Variants in SLC27A2 observed in about 807,000 individuals in gnomAD.
SLC27A2 encodes the protein long-chain fatty acid transport protein 2.
SLC27A2 carries 54 observed loss-of-function variants against 60.0 expected under a neutral mutation model. That is an observed-to-expected ratio of 0.90 (90% CI 0.72 to 1.13). The LOEUF is 1.13. Among genes scored for constraint, SLC27A2 ranks in the 50% most tolerant of loss-of-function variants. The probability of loss-of-function intolerance (pLI) is 0.00; values close to 1 mark genes in which losing one functional copy is unlikely to be tolerated. For missense variants in SLC27A2, 739 were observed against 777.6 expected (o/e 0.95, Z 0.59); for synonymous variants, 297 against 297.6 (o/e 1.00, Z 0.02).
intron 3 of SLC27A2, among the ~76,000 whole-genome samples, chr15:50,203,312 T>C (rs899159644): frequency 1.3e-5 from 2 of 152,232 alleles, no homozygotes; most frequent in Admixed American, 1.3e-4. Context: ...TGCACTCTTC[T>C]GTAATCTCCC....
chr15:50,213,038 C>A (rs1467152354), intron 4 of SLC27A2, among the ~76,000 whole-genome samples: 2 of 152,128 alleles, frequency 1.3e-5, no homozygotes, highest in Non-Finnish European at 2.9e-5. Context: ...ACTCACCAAC[C>A]AACTGCTGCC....
chr15:50,229,081 A>G (rs200275435), intron 8 of SLC27A2, 39 bp downstream of exon 8: 1 of 1,411,202 alleles, frequency 7.1e-7, no homozygotes, highest in East Asian at 2.3e-5. Flanking sequence ...CCCATAGAGT[A>G]ACTGAACATA....
chr15:50,216,186 T>C (rs2045194163), intron 4 of SLC27A2, among the ~76,000 whole-genome samples: 1 of 152,064 alleles, frequency 6.6e-6, no homozygotes, highest in Admixed American at 6.5e-5. Context: ...GATATACAAA[T>C]GGCCAATAAA....
intron 4 of SLC27A2, among the ~76,000 whole-genome samples, chr15:50,220,299 G>C (rs1389042428): frequency 6.6e-6 from 1 of 152,194 alleles, no homozygotes; most frequent in Non-Finnish European, 1.5e-5. Context: ...ATTGAACAGG[G>C]AGTGAGGTTT....
At chr15:50,194,572 A>G (rs1481515064) in intron 1 of SLC27A2, among the ~76,000 whole-genome samples, 1 of 152,164 alleles carries the variant, frequency 6.6e-6, no homozygotes, top group Admixed American at 6.5e-5. Flanking sequence ...CAGGGTGGCA[A>G]CAAGAAATTG....
intron 7 of SLC27A2, among the ~76,000 whole-genome samples, chr15:50,228,376 C>CAAAAA (rs71124333): frequency 1.4e-4 from 11 of 77,252 alleles, no homozygotes; most frequent in Admixed American, 1.9e-4. Context: ...GACTCTGCCT[C>CAAAAA]AAAAAAAAAA....
At chr15:50,235,062 A>C (rs1188190630) in intron 9 of SLC27A2, among the ~76,000 whole-genome samples, 1 of 152,166 alleles carries the variant, frequency 6.6e-6, no homozygotes, top group Non-Finnish European at 1.5e-5. Flanking sequence ...TCTTCCTCCA[A>C]CATTAACCCT....
intron 1 of SLC27A2, among the ~76,000 whole-genome samples, chr15:50,189,200 A>C (rs1474254920): frequency 1.3e-4 from 20 of 152,044 alleles, no homozygotes; most frequent in Admixed American, 1.3e-3. Context: ...GATGTGAAAA[A>C]ATCCATTTAA....
At chr15:50,196,080 ATATATAT>A (rs2045019173) in intron 1 of SLC27A2, among the ~76,000 whole-genome samples, 15 of 7,802 alleles carry the variant, frequency 1.9e-3, no homozygotes, top group Admixed American at 4.4e-3. Context: ...AAAAAAAAAT[ATATATAT>A]ATATATATAT....
At chr15:50,189,560 G>T (rs540800376) in intron 1 of SLC27A2, among the ~76,000 whole-genome samples, 19 of 152,338 alleles carry the variant, frequency 1.2e-4, no homozygotes, top group South Asian at 1.0e-3. Context: ...TGCAAAGGAG[G>T]TGATTGTACA....
intron 8 of SLC27A2, among the ~76,000 whole-genome samples, chr15:50,230,224 ACT>A (rs1206364397): frequency 9.0e-6 from 1 of 111,236 alleles, no homozygotes; most frequent in Non-Finnish European, 1.8e-5. Context: ...ACAGAGCAAG[ACT>A]CTGTCTCACC....
intron 7 of SLC27A2, 146 bp downstream of exon 7, chr15:50,227,324 G>A: frequency 1.5e-6 from 1 of 655,994 alleles, no homozygotes; most frequent in Non-Finnish European, 2.7e-6. Flanking sequence ...CCCAGAGAAT[G>A]AGGAATGAAG....
In SLC27A2 at chr15:50,217,717, G is replaced by A. The variant is rs191212562; in HGVS notation, c.973-5248G>A. Among the ~76,000 whole-genome samples the A allele has an allele frequency of 7.2e-5, 11 of 152,074 alleles. No individual in the cohort carries two copies. In the East Asian group the frequency reaches 1.2e-3, roughly 16 times the overall value. ...AAGAATCACCAAGCACCTGAGGAAC[G>A]CCTCCTACAGGAAGGATCATCAAAA... On this transcript the variant is annotated intron_variant, in intron 4 of 9. Transcript: ENST00000267842.
At chr15:50,226,484 C>A (rs941798465) in intron 6 of SLC27A2, among the ~76,000 whole-genome samples, 1 of 152,176 alleles carries the variant, frequency 6.6e-6, no homozygotes, top group Non-Finnish European at 1.5e-5. Context: ...GTAATCCCAA[C>A]ACTTTGGGAG....
intron 4 of SLC27A2, among the ~76,000 whole-genome samples, chr15:50,217,242 A>G (rs889990393): frequency 1.3e-5 from 2 of 152,162 alleles, no homozygotes; most frequent in Admixed American, 1.3e-4. Flanking sequence ...CCAAGAACTT[A>G]TGGAAAAATA....
intron 3 of SLC27A2, 149 bp downstream of exon 3, chr15:50,202,794 A>G: frequency 1.4e-6 from 1 of 718,864 alleles, no homozygotes; most frequent in Non-Finnish European, 2.3e-6. Flanking sequence ...CACATATTAC[A>G]AGCAAGCATC....
chr15:50,216,611 T>TGTGTGTGTGTGTGTAC (rs1491112116), intron 4 of SLC27A2, among the ~76,000 whole-genome samples: 1 of 5,036 alleles, frequency 2.0e-4, no homozygotes, highest in Non-Finnish European at 4.7e-4. Flanking sequence ...TGTGTGTGTG[T>TGTGTGTGTGTGTGTAC]ATATATATAT....
At chr15:50,217,317 G>A (rs2045206104) in intron 4 of SLC27A2, among the ~76,000 whole-genome samples, 1 of 152,156 alleles carries the variant, frequency 6.6e-6, no homozygotes, top group Admixed American at 6.5e-5. Context: ...TCCACTGTGT[G>A]GGAGACAGGA....
intron 2 of SLC27A2, among the ~76,000 whole-genome samples, chr15:50,200,147 G>A (rs553567272): frequency 6.6e-6 from 1 of 152,254 alleles, no homozygotes; most frequent in East Asian, 1.9e-4. Flanking sequence ...AAATTTCAGA[G>A]GCCAGGCATG....
Sources: gnomAD v4.1 joint callset for allele counts (sites outside exome capture counted in the v4.1 genomes callset) on GRCh38, gnomAD v4.1.1 for gene constraint, MANE v1.5 for transcripts, NCBI Gene and HGNC (gene_info 2026-07-23, HGNC 2026-07-21) for gene names.